Variants in ASXL3 observed in about 807,000 individuals in gnomAD.
ASXL3 encodes putative Polycomb group protein ASXL3.
A neutral mutation model predicts 170.6 loss-of-function variants in ASXL3; 34 were observed. The observed-to-expected ratio is 0.20, with a 90% CI of 0.15 to 0.27. ASXL3 has a LOEUF of 0.27. ASXL3 is among the 10% of genes least tolerant of loss of function. The probability of loss-of-function intolerance (pLI) is 1.00; values close to 1 mark genes in which losing one functional copy is unlikely to be tolerated. For missense variants in ASXL3, 2,592 were observed against 2,695.3 expected (o/e 0.96, Z 0.85); for synonymous variants, 1,002 against 989.1 (o/e 1.01, Z -0.24).
At chr18:33,655,924 G>T (rs1599453648) in intron 4 of ASXL3, among the ~76,000 whole-genome samples, 1 of 151,898 alleles carries the variant, frequency 6.6e-6, no homozygotes, top group Non-Finnish European at 1.5e-5. Flanking sequence ...AGAATTAATG[G>T]TCTATATCTA....
chr18:33,734,184 T>C, intron 9 of ASXL3, 126 bp from the exon 10 acceptor site: 1 of 526,214 alleles, frequency 1.9e-6, no homozygotes, highest in East Asian at 3.4e-5. Flanking sequence ...GTAGAAATGT[T>C]ATCATTATTT....
At chr18:33,588,643 A>C (rs2065053323) in intron 1 of ASXL3, among the ~76,000 whole-genome samples, 1 of 152,142 alleles carries the variant, frequency 6.6e-6, no homozygotes, top group African/African-American at 2.4e-5. Context: ...GAAGATTAAA[A>C]TACACATTCA....
At chr18:33,633,617 G>T (rs1303371551) in intron 2 of ASXL3, among the ~76,000 whole-genome samples, 1 of 152,088 alleles carries the variant, frequency 6.6e-6, no homozygotes, top group Admixed American at 6.6e-5. Flanking sequence ...GCCAAGGGGG[G>T]TGGATCATGA....
intron 8 of ASXL3, among the ~76,000 whole-genome samples, chr18:33,701,226 A>G (rs972034082): frequency 2.0e-5 from 3 of 151,618 alleles, no homozygotes; most frequent in African/African-American, 7.3e-5. Context: ...TAGAAGTGTG[A>G]GTTCTGCAAT....
chr18:33,705,426 A>G (rs979431434), intron 8 of ASXL3, among the ~76,000 whole-genome samples: 1 of 151,666 alleles, frequency 6.6e-6, no homozygotes, highest in Admixed American at 6.6e-5. Flanking sequence ...ACAATTTACT[A>G]AATTTTAAAG....
chr18:33,737,751 A>G (rs534368572), intron 10 of ASXL3, among the ~76,000 whole-genome samples: 46 of 152,278 alleles, frequency 3.0e-4, no homozygotes, highest in African/African-American at 1.1e-3. Flanking sequence ...GTTAGATGCC[A>G]AAATAAGGTG....
At chr18:33,653,608 C>T (rs1418532518) in intron 4 of ASXL3, among the ~76,000 whole-genome samples, 1 of 151,970 alleles carries the variant, frequency 6.6e-6, no homozygotes, top group African/African-American at 2.4e-5. Flanking sequence ...TCTTTTATTC[C>T]AGCCCCCAGA....
At chr18:33,615,818 T>G (rs2065413397) in intron 2 of ASXL3, among the ~76,000 whole-genome samples, 1 of 152,154 alleles carries the variant, frequency 6.6e-6, no homozygotes, top group Non-Finnish European at 1.5e-5. Flanking sequence ...CTATAGGGCT[T>G]ATATATGAAT....
At chr18:33,638,154 G>T (rs936229718) in intron 2 of ASXL3, among the ~76,000 whole-genome samples, 34 of 149,398 alleles carry the variant, frequency 2.3e-4, no homozygotes, top group African/African-American at 8.4e-4. Flanking sequence ...TATAATACAC[G>T]CACATAGTGT....
intron 2 of ASXL3, chr18:33,608,967 T>C: frequency 1.1e-6 from 1 of 932,526 alleles, no homozygotes; most frequent in Non-Finnish European, 1.3e-6. Flanking sequence ...TTTTTTATTT[T>C]GGAGACTTTT....
intron 5 of ASXL3, among the ~76,000 whole-genome samples, chr18:33,662,624 T>C (rs957056567): frequency 3.9e-5 from 6 of 152,084 alleles, no homozygotes; most frequent in Admixed American, 2.6e-4. Context: ...TGTCAGTAAA[T>C]GGAAGGTTCA....
At chr18:33,655,466 T>C (rs1395070164) in intron 4 of ASXL3, among the ~76,000 whole-genome samples, 1 of 152,046 alleles carries the variant, frequency 6.6e-6, no homozygotes, top group Non-Finnish European at 1.5e-5. Flanking sequence ...TTATTGCTAG[T>C]ATTACTAGCA....
chr18:33,720,643 C>T (rs1298509042), intron 8 of ASXL3, among the ~76,000 whole-genome samples: 1 of 152,098 alleles, frequency 6.6e-6, no homozygotes, highest in East Asian at 1.9e-4. Flanking sequence ...GCCAAAGGTC[C>T]TCCACAAGTT....
At chr18:33,629,051 C>G (rs372112429) in intron 2 of ASXL3, among the ~76,000 whole-genome samples, 1 of 152,092 alleles carries the variant, frequency 6.6e-6, no homozygotes, top group Non-Finnish European at 1.5e-5. Flanking sequence ...GTTATCCTAA[C>G]GTCATGTTGT....
intron 2 of ASXL3, among the ~76,000 whole-genome samples, chr18:33,633,568 G>A (rs1044252430): frequency 4.6e-5 from 7 of 152,018 alleles, no homozygotes; most frequent in Admixed American, 3.9e-4. Context: ...TTCACGCATG[G>A]CGCGGTGGCT....
At chr18:33,601,783 T>TTATATATATATATATATA in intron 1 of ASXL3, among the ~76,000 whole-genome samples, 1 of 68,568 alleles carries the variant, frequency 1.5e-5, no homozygotes, top group East Asian at 2.5e-4. Flanking sequence ...AAATATCTGA[T>TTATATATATATATATATA]TGTATATATA....
At chr18:33,589,514 A>G (rs1054084986) in intron 1 of ASXL3, among the ~76,000 whole-genome samples, 1 of 152,200 alleles carries the variant, frequency 6.6e-6, no homozygotes, top group South Asian at 2.1e-4. Flanking sequence ...TGATTGAAGA[A>G]AGGGCACAGT....
intron 8 of ASXL3, among the ~76,000 whole-genome samples, chr18:33,727,465 C>G (rs1486425409): frequency 1.3e-5 from 2 of 151,902 alleles, no homozygotes; most frequent in Non-Finnish European, 2.9e-5. Flanking sequence ...GGATCCATAC[C>G]AAAGACAAAT....
chr18:33,587,177 CA>C (rs923862000), intron 1 of ASXL3, among the ~76,000 whole-genome samples: 2 of 152,138 alleles, frequency 1.3e-5, no homozygotes, highest in African/African-American at 4.8e-5. Context: ...AAGCCCTTTT[CA>C]AAACTGACAA....
Sources: gnomAD v4.1 joint callset for allele counts (sites outside exome capture counted in the v4.1 genomes callset) on GRCh38, gnomAD v4.1.1 for gene constraint, MANE v1.5 for transcripts, NCBI Gene and HGNC (gene_info 2026-07-23, HGNC 2026-07-21) for gene names.